The following VPS8 variants were observed in gnomAD, a reference collection of about 807,000 sequenced individuals.
The protein encoded by VPS8 is vacuolar protein sorting-associated protein 8 homolog.
VPS8 carries 129 observed loss-of-function variants against 216.4 expected under a neutral mutation model. The ratio of observed to expected loss-of-function variants is 0.60; its 90% CI spans 0.52 to 0.69. The LOEUF (loss-of-function observed/expected upper bound fraction) is 0.69, where lower values mean the gene tolerates loss of function less well. Among genes scored for constraint, VPS8 ranks in the 30% least tolerant of loss-of-function variants. VPS8 has a pLI of 0.00. For synonymous variants in VPS8, 571 were observed against 565.4 expected, an observed-to-expected ratio of 1.01 and a Z score of -0.14; for missense variants, 1,531 against 1,683.5, an observed-to-expected ratio of 0.91 and a Z score of 1.59.
chr3:185,047,801 G>C (rs2108540868), intron 46 of VPS8, among the ~76,000 whole-genome samples: 1 of 152,284 alleles, frequency 6.6e-6, no homozygotes, highest in African/African-American at 2.4e-5. Context: ...GCAGGTTACT[G>C]TCAGAACTAG....
chr3:184,961,747 TG>T (rs1746553771), intron 37 of VPS8, among the ~76,000 whole-genome samples: 1 of 151,570 alleles, frequency 6.6e-6, no homozygotes, highest in South Asian at 2.1e-4. Flanking sequence ...CCAATTTTTT[TG>T]TTTTTGTTTT....
At chr3:184,914,904 T>G (rs1737243871) in intron 26 of VPS8, 77 bp from the exon 27 acceptor site, 1 of 1,406,876 alleles carries the variant, frequency 7.1e-7, no homozygotes, top group African/African-American at 1.4e-5. Context: ...ATCTCAAGTT[T>G]GAGAAACAAT....
intron 42 of VPS8, among the ~76,000 whole-genome samples, chr3:184,991,563 C>A (rs1392033152): frequency 6.6e-6 from 1 of 152,120 alleles, no homozygotes; most frequent in East Asian, 1.9e-4. Context: ...CCTTTTAAGA[C>A]CTCTTTGTTC....
At chr3:184,996,528 G>C (rs779293713) in intron 44 of VPS8, 27 bp downstream of exon 44, 2 of 1,586,896 alleles carry the variant, frequency 1.3e-6, no homozygotes, top group Non-Finnish European at 8.6e-7. Flanking sequence ...AATGTTACAT[G>C]TATGGTACAT....
At chr3:184,825,160 C>T in intron 2 of VPS8, 1 of 216,114 alleles carries the variant, frequency 4.6e-6, no homozygotes, top group South Asian at 6.6e-5. Context: ...CTTCTTGGCC[C>T]CCACGTGTAT....
Position 184,915,473 on chromosome 3 carries a change from T to G in VPS8, c.2381T>G (p.Leu794Arg). The change falls in exon 28 of 48, where the codon CTG (leucine) becomes CGG (arginine). Residue 794 changes from leucine (L) to arginine (R), a missense_variant and splice_region_variant. Leu to Arg is a moderately radical substitution (Grantham distance 102, BLOSUM62 -2). This residue lies in a region of VPS8 where 1,318 missense variants were observed against 1,468.4 expected (regional missense o/e 0.90). Coordinates refer to ENST00000625842, the MANE Select transcript of VPS8 (RefSeq NM_001009921.3). ...DTREFLNVLA[L>R]TFEDFKNDKQ... ...AGAGAATTTCTAAATGTATTGGCAC[T>G]GGTAAGAGACAGTATTATTTTAAGG... 6.2e-7 allele frequency: 1 copy of G among 1,613,274 alleles called. No homozygotes were observed. The highest frequency in any genetic ancestry group is 8.5e-7 in the Non-Finnish European group (1 of 1,179,640).
chr3:184,853,720 G>A, intron 11 of VPS8, 137 bp from the exon 12 acceptor site: 1 of 803,074 alleles, frequency 1.2e-6, no homozygotes, highest in Non-Finnish European at 1.9e-6. Context: ...AAAAGACCAT[G>A]CTGCTGTCCT....
intron 44 of VPS8, among the ~76,000 whole-genome samples, chr3:184,999,002 C>T (rs539148788): frequency 6.6e-6 from 1 of 151,974 alleles, no homozygotes; most frequent in African/African-American, 2.4e-5. Context: ...ATGCCTCAGC[C>T]TCCTGAGTAT....
chr3:184,842,502 G>A (rs1193208054), intron 7 of VPS8, among the ~76,000 whole-genome samples: 1 of 152,034 alleles, frequency 6.6e-6, no homozygotes, highest in East Asian at 1.9e-4. Context: ...TATTAATAGT[G>A]TAGCTAATAA....
intron 40 of VPS8, among the ~76,000 whole-genome samples, chr3:184,978,801 G>A (rs1353041309): frequency 2.6e-5 from 4 of 152,090 alleles, no homozygotes; most frequent in Admixed American, 6.6e-5. Flanking sequence ...TGTCTCAATT[G>A]TATTCAGTTC....
intron 2 of VPS8, among the ~76,000 whole-genome samples, chr3:184,825,209 C>T (rs955863453): frequency 2.0e-5 from 3 of 152,094 alleles, no homozygotes; most frequent in Admixed American, 1.3e-4. Flanking sequence ...TTGTATAGTC[C>T]ATTACAGTTT....
intron 42 of VPS8, among the ~76,000 whole-genome samples, chr3:184,985,963 A>G (rs772496173): frequency 7.9e-5 from 12 of 152,242 alleles, no homozygotes; most frequent in African/African-American, 9.6e-5. Flanking sequence ...GCTGATGCAC[A>G]TGAGTCTCTC....
intron 7 of VPS8, among the ~76,000 whole-genome samples, chr3:184,842,118 C>T (rs774278299): frequency 5.2e-5 from 7 of 134,964 alleles, no homozygotes; most frequent in Admixed American, 8.5e-5. Flanking sequence ...ACCCGGGAGG[C>T]GGAGCTTGCA....
In VPS8 at chr3:185,001,016, G is replaced by A. The variant is rs887821742; in HGVS notation, c.4002+1155G>A. Among the ~76,000 whole-genome samples the A allele has an allele frequency of 2.0e-4, 31 of 152,270 alleles. 1 individual carries two copies. The highest frequency in any genetic ancestry group is 6.7e-4 in the African/African-American group (28 of 41,548). On this transcript the variant is annotated intron_variant, in intron 45 of 47. Coordinates refer to ENST00000625842, the MANE Select transcript of VPS8 (RefSeq NM_001009921.3). ...GTAGAACTTCTACTCTCCAGTGGTA[G>A]CCTTTCCAATTATACCTTCCCCAAG... is the stretch of plus-strand genomic sequence containing the variant.
chr3:184,876,902 C>T (rs1048167462), intron 21 of VPS8, among the ~76,000 whole-genome samples: 1 of 152,170 alleles, frequency 6.6e-6, no homozygotes, highest in African/African-American at 2.4e-5. Flanking sequence ...AAATGTATAT[C>T]AAATCTAGAT....
intron 11 of VPS8, 100 bp from the exon 12 acceptor site, chr3:184,853,757 G>C: frequency 8.3e-7 from 1 of 1,204,984 alleles, no homozygotes; most frequent in South Asian, 1.4e-5. Context: ...TGGGGGTTAA[G>C]GAGGTAGGAG....
intron 15 of VPS8, among the ~76,000 whole-genome samples, chr3:184,861,549 C>T (rs910438810): frequency 1.3e-5 from 2 of 152,196 alleles, no homozygotes; most frequent in South Asian, 2.1e-4. Context: ...TTGTCATCAC[C>T]AGAACTGTCT....
At chr3:184,961,014 A>G (rs1019155357) in intron 37 of VPS8, among the ~76,000 whole-genome samples, 2 of 152,200 alleles carry the variant, frequency 1.3e-5, no homozygotes, top group Non-Finnish European at 2.9e-5. Context: ...ATCAAGCATG[A>G]TAGGAATTCT....
chr3:185,021,957 T>C (rs1360622192), intron 45 of VPS8, among the ~76,000 whole-genome samples: 1 of 152,188 alleles, frequency 6.6e-6, no homozygotes, highest in East Asian at 1.9e-4. Flanking sequence ...CTTATAGTAA[T>C]AATTATATTT....
Sources: allele counts gnomAD v4.1 joint callset (sites outside exome capture counted in the v4.1 genomes callset), GRCh38; gene constraint gnomAD v4.1.1; regional missense constraint gnomAD v4.1.1; transcripts MANE v1.5; gene names NCBI Gene and HGNC (gene_info 2026-07-23, HGNC 2026-07-21).